The following ANO6 variants were observed in gnomAD, a reference collection of about 807,000 sequenced individuals.
ANO6 encodes the protein anoctamin-6.
A neutral mutation model predicts 117.5 loss-of-function variants in ANO6; 106 were observed. The observed-to-expected ratio is 0.90, with a 90% CI of 0.77 to 1.06. The LOEUF (loss-of-function observed/expected upper bound fraction) is 1.06. Ranked by LOEUF, ANO6 falls within the 50% of genes least tolerant of loss-of-function variation. ANO6 has a pLI of 0.00. For synonymous variants in ANO6, 367 were observed against 385.1 expected (o/e 0.95, Z 0.55); for missense variants, 955 against 1,121.1 (o/e 0.85, Z 2.12).
In ANO6 at chr12:45,347,069, G is replaced by A; in HGVS notation, c.327G>A (p.Gln109=). 1.9e-6 allele frequency: 3 copies of A among 1,614,034 alleles called. No homozygotes were observed. The highest frequency in any genetic ancestry group is 2.5e-6 in the Non-Finnish European group (3 of 1,179,958). Residue 109 remains glutamine, a synonymous_variant, in exon 4 of 20, where the codon CAG becomes CAA. Transcript: ENST00000320560. ...CTAACCTTATCTGTCATGGCCTGCAGTTAGAAGCAACAAGATCAGTAAGTA... is the reference window on the plus strand; with the variant it reads ...CTAACCTTATCTGTCATGGCCTGCAATTAGAAGCAACAAGATCAGTAAGTA... ...YESNLICHGL[Q]LEATRSVLDD... is the part of the protein sequence containing the mutation.
chr12:45,373,821 C>A (rs1941919793), intron 9 of ANO6, among the ~76,000 whole-genome samples: 2 of 152,060 alleles, frequency 1.3e-5, no homozygotes, highest in Non-Finnish European at 2.9e-5. Flanking sequence ...CAAGAGCAAA[C>A]ACATTCAAAA....
intron 15 of ANO6, 122 bp from the exon 16 acceptor site, chr12:45,409,235 T>G: frequency 7.6e-7 from 1 of 1,323,264 alleles, no homozygotes; most frequent in Non-Finnish European, 1.1e-6. Flanking sequence ...AAATTTAGCA[T>G]GCAAACAAAA....
chr12:45,292,514 G>C lies in ANO6; in HGVS notation c.71-9500G>C, dbSNP rs1939135669. ...AATAAATTTTTTTAAGATGGTAAGAGAACTAATGAATTCACAGTGAATCTG... is the reference window on the plus strand; with the variant it reads ...AATAAATTTTTTTAAGATGGTAAGACAACTAATGAATTCACAGTGAATCTG... On this transcript the variant is annotated intron_variant, in intron 1 of 19. Coordinates refer to ENST00000320560, the MANE Select transcript of ANO6 (RefSeq NM_001025356.3). Among the ~76,000 whole-genome samples, 3 of 152,166 alleles carry C rather than the reference G, an allele frequency of 2.0e-5. No individual in the cohort carries two copies. The South Asian group carries it at 6.2e-4, about 32-fold the overall frequency.
At chr12:45,371,267 G>A (rs1197526279) in intron 9 of ANO6, among the ~76,000 whole-genome samples, 6 of 152,184 alleles carry the variant, frequency 3.9e-5, no homozygotes, top group African/African-American at 7.2e-5. Flanking sequence ...ACTGCAAGGC[G>A]GCAGCGAGGC....
intron 2 of ANO6, among the ~76,000 whole-genome samples, chr12:45,315,757 T>C (rs572988915): frequency 3.3e-4 from 50 of 152,226 alleles, no homozygotes; most frequent in African/African-American, 9.1e-4. Context: ...TCCAGTTCTC[T>C]GAATGTTGAT....
Position 45,216,292 on chromosome 12 carries a change from C to T in ANO6, c.-30C>T, listed in dbSNP as rs1947308660. On this transcript the variant is annotated 5_prime_UTR_variant, in exon 1 of 20. Transcript: ENST00000320560. ...GAACCCGGGAGCCCCCAACTTCGCGCCAAGTTCGGAGCCGCCTTCTGAGGG... is the reference window on the plus strand; with the variant it reads ...GAACCCGGGAGCCCCCAACTTCGCGTCAAGTTCGGAGCCGCCTTCTGAGGG... 1.3e-6 allele frequency: 2 copies of T among 1,590,846 alleles called. No individual in the cohort carries two copies. The highest frequency in any genetic ancestry group is 1.7e-6 in the Non-Finnish European group (2 of 1,169,034).
chr12:45,275,833 G>A (rs768812854), intron 1 of ANO6, among the ~76,000 whole-genome samples: 3 of 152,150 alleles, frequency 2.0e-5, no homozygotes, highest in Admixed American at 6.5e-5. Context: ...TGGGAATGTT[G>A]AGAATTCTTC....
At position 45,430,235 on chromosome 12, in the gene ANO6, T is replaced by C. The variant is rs1339054832; in HGVS notation, c.*924T>C. 2 of 985,478 alleles carry C rather than the reference T, an allele frequency of 2.0e-6. No homozygotes were observed. 61.0% of individuals were successfully genotyped at this position (985,478 alleles called of 1,614,324 possible). A position where few individuals can be genotyped will look rare whatever the true frequency, so the allele number is the denominator to read the frequency against. On this transcript the variant is annotated 3_prime_UTR_variant, in exon 20 of 20. Coordinates refer to ENST00000320560, the MANE Select transcript of ANO6 (RefSeq NM_001025356.3). ...CTGGAAAAGATAAGCCCCTCAATTT[T>C]CTACCAGTTGACTTTTATTCATTAG...
rs769324200 is a variant in ANO6, at chr12:45,367,770, A to G, written c.1081A>G (p.Asn361Asp). 33 of 1,613,494 alleles carry G rather than the reference A, an allele frequency of 2.0e-5. No homozygotes were observed. The highest frequency in any genetic ancestry group is 2.8e-5 in the Non-Finnish European group (33 of 1,179,806). Residue 361 changes from asparagine to aspartate, a missense_variant, in exon 9 of 20, where the codon AAT becomes GAT. Physicochemically the swap from Asn to Asp is conservative, Grantham distance 23. Coordinates refer to ENST00000320560, the MANE Select transcript of ANO6 (RefSeq NM_001025356.3). ...TAGGCTTTGTCCATTCTGGAAACTCAATATTACTTGCGAGTCCTCAAAGGT... is the reference window on the plus strand; with the variant it reads ...TAGGCTTTGTCCATTCTGGAAACTCGATATTACTTGCGAGTCCTCAAAGGT... ...CDRLCPFWKL[N>D]ITCESSKKLC...
At chr12:45,355,046 A>G (rs1016778046) in intron 7 of ANO6, among the ~76,000 whole-genome samples, 2 of 152,208 alleles carry the variant, frequency 1.3e-5, no homozygotes, top group African/African-American at 2.4e-5. Flanking sequence ...CATCAACTAT[A>G]AAAGTTTAAA....
intron 2 of ANO6, among the ~76,000 whole-genome samples, chr12:45,324,289 T>C (rs1940388815): frequency 6.6e-6 from 1 of 152,196 alleles, no homozygotes; most frequent in Non-Finnish European, 1.5e-5. Context: ...TGGAAACATC[T>C]GTGCATCCCT....
At chr12:45,403,321 T>G (rs1189230843) in intron 14 of ANO6, 80 bp downstream of exon 14, 1 of 1,550,350 alleles carries the variant, frequency 6.5e-7, no homozygotes, top group Non-Finnish European at 8.9e-7. Context: ...TTTTTTATTG[T>G]AAATTCCTTA....
chr12:45,325,371 G>A (rs1940425930), intron 2 of ANO6, among the ~76,000 whole-genome samples: 1 of 152,176 alleles, frequency 6.6e-6, no homozygotes, highest in South Asian at 2.1e-4. Context: ...AGTAAGCATG[G>A]CTGGATATTA....
In ANO6 at chr12:45,392,015, G is replaced by A. The variant is rs182138602; in HGVS notation, c.1386+1517G>A. 1.4e-3 allele frequency among the ~76,000 whole-genome samples: 216 copies of A among 152,338 alleles called. 2 individuals are homozygous for A. The highest frequency in any genetic ancestry group is 5.0e-3 in the African/African-American group (206 of 41,578). ...TGGGATTGGTTGTACAGTGGGTGCT[G>A]CCCACAGAGGGCGAGCTGAAGCAGG... On this transcript the variant is annotated intron_variant, in intron 12 of 19. Coordinates refer to ENST00000320560, the MANE Select transcript of ANO6 (RefSeq NM_001025356.3).
rs1338236578 is a variant in ANO6 at position 45,422,971 on chromosome 12, G to A, written c.2435G>A (p.Arg812Gln). The A allele has an allele frequency of 1.9e-6, 3 of 1,613,028 alleles. No individual in the cohort carries two copies. The highest frequency in any genetic ancestry group is 2.2e-5 in the East Asian group (1 of 44,888). ...NHTTCRYRDF[R>Q]YPPGHPQEYK... ...TTTGTTTTCAGGTATCGTGATTTCC[G>A]ATACCCACCTGGACACCCCCAGGAG... The change falls in exon 19 of 20, where the codon CGA becomes CAA. Residue 812 changes from arginine to glutamine, a missense_variant. Coordinates refer to ENST00000320560, the MANE Select transcript of ANO6 (RefSeq NM_001025356.3).
chr12:45,352,575 A>AT (rs1346050227), intron 7 of ANO6, among the ~76,000 whole-genome samples: 1 of 150,868 alleles, frequency 6.6e-6, no homozygotes, highest in African/African-American at 2.4e-5. Flanking sequence ...AAAAAAAAAA[A>AT]AAAAAAAGCC....
Position 45,388,221 on chromosome 12 carries a change from C to G in ANO6, c.1226C>G (p.Thr409Ser). The G allele has an allele frequency of 2.5e-6, 4 of 1,614,072 alleles. No homozygotes were observed. The highest frequency in any genetic ancestry group is 3.4e-6 in the Non-Finnish European group (4 of 1,179,984). The change falls in exon 11 of 20, where the codon ACT (threonine) becomes AGT (serine). Residue 409 changes from threonine to serine, a missense_variant. Transcript: ENST00000320560. ...RQAELEYEWD[T>S]VELQQEEQAR... The stretch of plus-strand genomic sequence containing the variant: ...GCAGAACTTGAGTATGAATGGGATA[C>G]TGTTGAGTTACAGCAGGAAGAACAA...
intron 17 of ANO6, among the ~76,000 whole-genome samples, chr12:45,420,602 C>T (rs1227528982): frequency 1.3e-5 from 2 of 152,110 alleles, no homozygotes; most frequent in Non-Finnish European, 2.9e-5. Context: ...AAGATCTTAT[C>T]TCACTATCTG....
At chr12:45,240,451 C>G (rs1306867657) in intron 1 of ANO6, among the ~76,000 whole-genome samples, 1 of 130,618 alleles carries the variant, frequency 7.7e-6, no homozygotes, top group African/African-American at 2.8e-5. Flanking sequence ...TGTCTCTGCA[C>G]TTGAGATGGG....
Sources: allele counts gnomAD v4.1 joint callset (sites outside exome capture counted in the v4.1 genomes callset), GRCh38; gene constraint gnomAD v4.1.1; transcripts MANE v1.5; gene names NCBI Gene and HGNC (gene_info 2026-07-23, HGNC 2026-07-21).